The following SSPN variants were observed in gnomAD, a reference collection of about 807,000 sequenced individuals.
SSPN encodes sarcospan.
Under a neutral mutation model 19.1 loss-of-function variants are expected in SSPN, and 15 were observed. That is an observed-to-expected ratio of 0.78 (90% CI 0.52 to 1.21). The LOEUF is 1.21. SSPN is among the 50% of genes most tolerant of loss of function. SSPN has a pLI of 0.00. For synonymous variants in SSPN, 147 were observed against 140.3 expected (o/e 1.05, Z -0.34); for missense variants, 291 against 314.0 (o/e 0.93, Z 0.55).
At chr12:26,138,802 A>G (rs927704376) in intron 1 of SSPN, among the ~76,000 whole-genome samples, 25 of 152,294 alleles carry the variant, frequency 1.6e-4, no homozygotes, top group Non-Finnish European at 3.2e-4. Context: ...AAAAAAATCA[A>G]TGATCGAGCA....
intron 1 of SSPN, among the ~76,000 whole-genome samples, chr12:26,156,751 A>G (rs1944558229): frequency 6.6e-6 from 1 of 152,238 alleles, no homozygotes; most frequent in Admixed American, 6.5e-5. Context: ...CACACTCTGT[A>G]AAGGTGGTTG....
chr12:26,200,443 G>C (rs1053072179), intron 1 of SSPN, among the ~76,000 whole-genome samples: 2 of 152,138 alleles, frequency 1.3e-5, no homozygotes, highest in African/African-American at 2.4e-5. Context: ...AAATTGGGTG[G>C]TTATTTATTT....
chr12:26,130,560 A>T (rs1591842444), intron 1 of SSPN, among the ~76,000 whole-genome samples: 1 of 152,228 alleles, frequency 6.6e-6, no homozygotes, highest in Non-Finnish European at 1.5e-5. Context: ...CAATTACCCA[A>T]CAAGTACTAT....
At chr12:26,155,759 A>G (rs1234051806) in intron 1 of SSPN, among the ~76,000 whole-genome samples, 1 of 152,240 alleles carries the variant, frequency 6.6e-6, no homozygotes, top group Non-Finnish European at 1.5e-5. Context: ...CACTTATTGC[A>G]CATGAAGCCC....
chr12:26,137,634 A>ATGTATG (rs1565669420), intron 1 of SSPN, among the ~76,000 whole-genome samples: 31 of 42,178 alleles, frequency 7.3e-4, no homozygotes, highest in Non-Finnish European at 1.3e-3. Context: ...GTGTGTGTGT[A>ATGTATG]TGTATATATA....
At chr12:26,201,562 G>C (rs1048514633) in intron 1 of SSPN, among the ~76,000 whole-genome samples, 1 of 151,752 alleles carries the variant, frequency 6.6e-6, no homozygotes, top group African/African-American at 2.4e-5. Context: ...AAGGCCAAGA[G>C]AGTGTTTATA....
intron 1 of SSPN, among the ~76,000 whole-genome samples, chr12:26,151,622 C>A (rs1273744906): frequency 6.6e-6 from 1 of 152,164 alleles, no homozygotes; most frequent in Non-Finnish European, 1.5e-5. Flanking sequence ...TCCCTGCCCC[C>A]ATGGAGCTTG....
intron 1 of SSPN, among the ~76,000 whole-genome samples, chr12:26,201,044 T>A (rs991650291): frequency 0.032 from 1,357 of 41,794 alleles, 26 homozygotes; most frequent in South Asian, 0.082. Context: ...TATATATATA[T>A]ATTATATATA....
At chr12:26,230,075 G>A (rs769288459) in intron 2 of SSPN, among the ~76,000 whole-genome samples, 1 of 152,110 alleles carries the variant, frequency 6.6e-6, no homozygotes, top group Non-Finnish European at 1.5e-5. Context: ...GTCGTTGTTG[G>A]GCTTGGGGTA....
At chr12:26,217,787 G>A (rs1355767275) in intron 1 of SSPN, among the ~76,000 whole-genome samples, 2 of 151,700 alleles carry the variant, frequency 1.3e-5, no homozygotes. Context: ...TAGCATGAAA[G>A]GTTGTTGAAT....
chr12:26,170,763 G>T (rs919575284), intron 1 of SSPN, among the ~76,000 whole-genome samples: 1 of 152,172 alleles, frequency 6.6e-6, no homozygotes, highest in African/African-American at 2.4e-5. Context: ...CTTCTTCCCA[G>T]TTAGGTATTT....
intron 1 of SSPN, among the ~76,000 whole-genome samples, chr12:26,175,147 A>G (rs1378494355): frequency 6.6e-6 from 1 of 152,332 alleles, no homozygotes; most frequent in South Asian, 2.1e-4. Flanking sequence ...TGGGTGTAGC[A>G]TTTTGTATGC....
At chr12:26,132,342 A>G (rs1489114663) in intron 1 of SSPN, among the ~76,000 whole-genome samples, 4 of 152,218 alleles carry the variant, frequency 2.6e-5, no homozygotes, top group South Asian at 2.1e-4. Flanking sequence ...GTTGTCTTCA[A>G]TAAGTTTACA....
intron 1 of SSPN, among the ~76,000 whole-genome samples, chr12:26,171,485 T>A (rs964990257): frequency 1.3e-5 from 2 of 152,206 alleles, no homozygotes; most frequent in African/African-American, 4.8e-5. Context: ...CTTTTTAATG[T>A]GTACAGTGGA....
intron 1 of SSPN, among the ~76,000 whole-genome samples, chr12:26,141,816 A>G (rs1206202045): frequency 2.0e-5 from 3 of 152,312 alleles, no homozygotes; most frequent in South Asian, 2.1e-4. Flanking sequence ...AAAATGCATG[A>G]AAACAGGATG....
At chr12:26,129,194 T>C (rs955145348) in intron 1 of SSPN, among the ~76,000 whole-genome samples, 2 of 152,200 alleles carry the variant, frequency 1.3e-5, no homozygotes, top group Non-Finnish European at 2.9e-5. Context: ...CCTGTGATAC[T>C]GTGAAAATGG....
At chr12:26,152,954 G>T (rs748854825) in intron 1 of SSPN, among the ~76,000 whole-genome samples, 6 of 152,154 alleles carry the variant, frequency 3.9e-5, no homozygotes, top group Non-Finnish European at 7.3e-5. Context: ...CACCTGTTGT[G>T]TAGCTGCCTC....
At position 26,214,215 on chromosome 12, in the gene SSPN, C is replaced by G. The variant is rs563511271; in HGVS notation, c.280-10078C>G. Among the ~76,000 whole-genome samples, 129 of 152,274 alleles carry G rather than the reference C, an allele frequency of 8.5e-4. 1 individual carries two copies. The highest frequency in any genetic ancestry group is 2.9e-3 in the African/African-American group (122 of 41,552). On this transcript the variant is annotated intron_variant, in intron 1 of 2. Coordinates refer to ENST00000242729, the MANE Select transcript of SSPN (RefSeq NM_005086.5). ...GTCTCAATGACTAAGTCACGGTCCCCCAGCCTGCATGGTCATTTGGACCTC... is the reference window on the plus strand; with the variant it reads ...GTCTCAATGACTAAGTCACGGTCCCGCAGCCTGCATGGTCATTTGGACCTC...
Position 26,232,657 on chromosome 12 carries a change from A to G in SSPN, c.*1581A>G. Reference sequence around the variant, plus strand: ...AATGGTTTCAATTTCTACACAATATAAATATCCAGTATAAAGGAAAGCGTT... The same window carrying G: ...AATGGTTTCAATTTCTACACAATATGAATATCCAGTATAAAGGAAAGCGTT... On this transcript the variant is annotated 3_prime_UTR_variant, in exon 3 of 3. Transcript: ENST00000242729. The G allele has an allele frequency of 1.0e-6, 1 of 985,156 alleles. No homozygotes were observed. The highest frequency in any genetic ancestry group is 1.2e-6 in the Non-Finnish European group (1 of 829,708). 61.0% of individuals were successfully genotyped at this position (985,156 alleles called of 1,614,324 possible).
Sources: gnomAD v4.1 joint callset for allele counts (sites outside exome capture counted in the v4.1 genomes callset) on GRCh38, gnomAD v4.1.1 for gene constraint, MANE v1.5 for transcripts, NCBI Gene and HGNC (gene_info 2026-07-23, HGNC 2026-07-21) for gene names.